PDE1A: variants seen among roughly 807,000 people sequenced by gnomAD.
PDE1A encodes the protein phosphodiesterase 1A.
In PDE1A, 35 loss-of-function variants were observed where a neutral mutation model predicts 61.7. The ratio of observed to expected loss-of-function variants is 0.57; its 90% confidence interval spans 0.43 to 0.75. PDE1A has a LOEUF of 0.75. Among genes scored for constraint, PDE1A ranks in the 30% least tolerant of loss-of-function variants. PDE1A has a pLI of 0.00. For synonymous variants in PDE1A, 232 were observed against 213.2 expected (o/e 1.09, Z -0.77); for missense variants, 597 against 630.6 (o/e 0.95, Z 0.57).
At chr2:182,548,429 G>A in the PDE1A span, among the ~76,000 whole-genome samples, 2 of 152,152 alleles carry the variant, frequency 1.3e-5, no homozygotes, top group African/African-American at 2.4e-5. Context: ...ATGCAAGAAG[G>A]AATTTGGAAG....
At chr2:182,492,743 A>G (rs1166250081) in intron 2 of PDE1A, among the ~76,000 whole-genome samples, 3 of 152,204 alleles carry the variant, frequency 2.0e-5, no homozygotes, top group Non-Finnish European at 4.4e-5. Flanking sequence ...GCTTTTGTGA[A>G]CAATAAACTT....
At chr2:182,319,776 T>C (rs1317076469) in intron 1 of PDE1A, among the ~76,000 whole-genome samples, 1 of 152,168 alleles carries the variant, frequency 6.6e-6, no homozygotes, top group Non-Finnish European at 1.5e-5. Context: ...AACATAAAAA[T>C]TGGCGTGACA....
At chr2:182,330,490 T>C (rs1045484523) in intron 1 of PDE1A, among the ~76,000 whole-genome samples, 15 of 152,178 alleles carry the variant, frequency 9.9e-5, no homozygotes, top group Non-Finnish European at 1.3e-4. Flanking sequence ...AGTCTCATTA[T>C]TTCTCTGATC....
chr2:182,587,466 T>C, the PDE1A span, among the ~76,000 whole-genome samples: 141 of 152,274 alleles, frequency 9.3e-4, 1 homozygote, highest in African/African-American at 3.2e-3. Flanking sequence ...AGAAATTATC[T>C]CTACAATTTA....
At chr2:182,629,386 C>T in the PDE1A span, among the ~76,000 whole-genome samples, 36 of 152,306 alleles carry the variant, frequency 2.4e-4, no homozygotes, top group Non-Finnish European at 4.0e-4. Context: ...TTTTCTCTTC[C>T]TCCCCTCTAT....
intron 1 of PDE1A, among the ~76,000 whole-genome samples, chr2:182,411,363 G>C (rs1163364910): frequency 6.6e-6 from 1 of 152,068 alleles, no homozygotes; most frequent in African/African-American, 2.4e-5. Context: ...TTTTCTCACT[G>C]CTGTATAGCA....
intron 10 of PDE1A, among the ~76,000 whole-genome samples, chr2:182,192,899 C>A (rs1685821052): frequency 6.6e-6 from 1 of 152,128 alleles, no homozygotes; most frequent in African/African-American, 2.4e-5. Context: ...GGTATGAAAT[C>A]CATTGACCTA....
chr2:182,347,834 CAGA>C (rs1288911579), intron 1 of PDE1A, among the ~76,000 whole-genome samples: 1 of 151,910 alleles, frequency 6.6e-6, no homozygotes, highest in Non-Finnish European at 1.5e-5. Flanking sequence ...CAGAGAGGAT[CAGA>C]AATAGCTTCA....
chr2:182,185,580 C>T (rs1685133122), intron 13 of PDE1A, among the ~76,000 whole-genome samples: 1 of 152,192 alleles, frequency 6.6e-6, no homozygotes, highest in African/African-American at 2.4e-5. Flanking sequence ...AGCACCTCTA[C>T]GAAAGCACAG....
chr2:182,595,953 A>C, the PDE1A span, among the ~76,000 whole-genome samples: 85 of 152,334 alleles, frequency 5.6e-4, 1 homozygote, highest in African/African-American at 2.0e-3. Context: ...GACAGATTAA[A>C]CCAAAATCTT....
At chr2:182,510,771 T>C (rs1231177527) in intron 2 of PDE1A, among the ~76,000 whole-genome samples, 1 of 152,166 alleles carries the variant, frequency 6.6e-6, no homozygotes. Context: ...AGACAATTCT[T>C]CTATCAGTGA....
chr2:182,434,477 G>C (rs1056566921), intron 2 of PDE1A, among the ~76,000 whole-genome samples: 1 of 152,034 alleles, frequency 6.6e-6, no homozygotes, highest in African/African-American at 2.4e-5. Flanking sequence ...GGTTTAGTGA[G>C]GGCCTTTTTA....
chr2:182,595,667 C>T, the PDE1A span, among the ~76,000 whole-genome samples: 2 of 152,192 alleles, frequency 1.3e-5, no homozygotes, highest in African/African-American at 4.8e-5. Context: ...GTTTGAAATT[C>T]TTTCCTTATA....
chr2:182,334,433 A>C (rs1697644654), intron 1 of PDE1A, among the ~76,000 whole-genome samples: 1 of 152,212 alleles, frequency 6.6e-6, no homozygotes, highest in Non-Finnish European at 1.5e-5. Flanking sequence ...CAACACGATC[A>C]AGTTGGCTTC....
intron 2 of PDE1A, among the ~76,000 whole-genome samples, chr2:182,506,682 G>A (rs1689433657): frequency 6.6e-6 from 1 of 152,184 alleles, no homozygotes; most frequent in African/African-American, 2.4e-5. Context: ...AAATATGTAG[G>A]TGGGGAGGAA....
At chr2:182,174,888 T>A (rs903029448) in intron 13 of PDE1A, among the ~76,000 whole-genome samples, 2 of 152,198 alleles carry the variant, frequency 1.3e-5, no homozygotes, top group East Asian at 3.9e-4. Flanking sequence ...ATGCTATTCC[T>A]CCCCTAGCTC....
rs192875743 is a variant in PDE1A, at chr2:182,353,460, G to C, written c.53+73118C>G. Among the ~76,000 whole-genome samples, 507 of 152,146 alleles carry C rather than the reference G, an allele frequency of 3.3e-3. 3 individuals carry two copies. The highest frequency in any genetic ancestry group is 7.9e-3 in the South Asian group (38 of 4,820). ...ACTAACTTGCTAGGAATTTTTCTTT[G>C]CTTGGTATTTCACAGATTTTGATGT... On this transcript the variant is annotated intron_variant, in intron 1 of 13. Coordinates refer to ENST00000351439, the Ensembl canonical transcript of PDE1A.
At chr2:182,584,469 G>A in the PDE1A span, among the ~76,000 whole-genome samples, 1 of 152,216 alleles carries the variant, frequency 6.6e-6, no homozygotes, top group Non-Finnish European at 1.5e-5. Flanking sequence ...TTAACTTAAA[G>A]ATTCAGATTC....
the PDE1A span, among the ~76,000 whole-genome samples, chr2:182,655,203 G>T: frequency 6.6e-6 from 1 of 152,168 alleles, no homozygotes; most frequent in African/African-American, 2.4e-5. Flanking sequence ...GCAGGAATGA[G>T]AGTTTTCTAG....
Sources: gnomAD v4.1 joint callset for allele counts (sites outside exome capture counted in the v4.1 genomes callset) on GRCh38, gnomAD v4.1.1 for gene constraint, MANE v1.5 for transcripts, NCBI Gene and HGNC (gene_info 2026-07-23, HGNC 2026-07-21) for gene names.